Variants in DNAH5 observed in about 807,000 individuals in gnomAD.
DNAH5 encodes the protein axonemal beta dynein heavy chain 5.
In DNAH5, 372 loss-of-function variants were observed where a neutral mutation model predicts 518.2. That is an observed-to-expected ratio of 0.72 (90% CI 0.66 to 0.78). DNAH5 has a LOEUF of 0.78. Ranked by LOEUF, DNAH5 falls within the 30% of genes least tolerant of loss-of-function variation. The pLI is 0.00. For missense variants in DNAH5, 5,523 were observed against 5,687.0 expected, an observed-to-expected ratio of 0.97 and a Z score of 0.93; for synonymous variants, 2,039 against 2,025.9, an observed-to-expected ratio of 1.01 and a Z score of -0.17.
intron 9 of DNAH5, 132 bp from the exon 10 acceptor site, chr5:13,914,774 TC>T: frequency 1.1e-6 from 1 of 886,406 alleles, no homozygotes; most frequent in Non-Finnish European, 1.7e-6. Flanking sequence ...TTATTTTTTT[TC>T]CATCACAGTT....
chr5:13,796,485 A>T (rs564514101), intron 47 of DNAH5, among the ~76,000 whole-genome samples: 1 of 152,162 alleles, frequency 6.6e-6, no homozygotes, highest in South Asian at 2.1e-4. Context: ...TAGGAATCCA[A>T]CTTACAAGGG....
At chr5:13,958,241 C>A (rs1291153529) in intron 1 of DNAH5, among the ~76,000 whole-genome samples, 1 of 151,940 alleles carries the variant, frequency 6.6e-6, no homozygotes, top group African/African-American at 2.4e-5. Flanking sequence ...ATTCATCTCT[C>A]CAAAATTATA....
intron 1 of DNAH5, among the ~76,000 whole-genome samples, chr5:14,003,730 A>G (rs1784518998): frequency 6.6e-6 from 1 of 152,232 alleles, no homozygotes. Flanking sequence ...CTGGGTCATA[A>G]AAGTGATGCG....
intron 31 of DNAH5, among the ~76,000 whole-genome samples, chr5:13,845,985 C>T (rs975669011): frequency 4.0e-4 from 60 of 150,982 alleles, no homozygotes; most frequent in Admixed American, 2.8e-3. Flanking sequence ...CCTGTGCCAC[C>T]ACGCCCAGCT....
At chr5:13,794,109 T>G (rs781567505) in intron 47 of DNAH5, 51 bp from the exon 48 acceptor site, 1 of 1,611,598 alleles carries the variant, frequency 6.2e-7, no homozygotes, top group African/African-American at 1.3e-5. Context: ...CCCTAAAACC[T>G]GGTCAATTAT....
rs758777667 is a variant in DNAH5 at position 13,727,512 on chromosome 5, C to T, written c.12028G>A (p.Ala4010Thr). The T allele has an allele frequency of 2.3e-5, 37 of 1,612,412 alleles. No individual in the cohort carries two copies. Among genetic ancestry groups the T allele is most frequent in the Non-Finnish European group, 2.8e-5 (33 of 1,179,040 alleles). Residue 4010 changes from alanine (A) to threonine (T), a missense_variant, in exon 70 of 79, where the codon GCC becomes ACC. Physicochemically the swap from Ala to Thr is moderately conservative, Grantham distance 58. This residue lies in a region of DNAH5 where 5,121 missense variants were observed against 5,223.3 expected (regional missense o/e 0.98). Transcript: ENST00000265104. ...IRSWCPDRTI[A>T]QARKYIVDSM... ...CTTTAATATGGACTTTTTACCTGGG[C>T]GATGGTTCTGTCAGGACACCAGGAT...
intron 50 of DNAH5, 76 bp downstream of exon 50, chr5:13,791,918 A>C: frequency 1.5e-6 from 2 of 1,301,688 alleles, no homozygotes; most frequent in Non-Finnish European, 2.2e-6. Flanking sequence ...TCAAGTAAAA[A>C]ATAAATCAAT....
intron 47 of DNAH5, among the ~76,000 whole-genome samples, chr5:13,800,077 G>C (rs998360753): frequency 1.3e-5 from 2 of 152,136 alleles, no homozygotes; most frequent in African/African-American, 4.8e-5. Flanking sequence ...GAGGGTGCTG[G>C]GAGGGTCTTT....
Position 13,920,269 on chromosome 5 carries a change from T to C in DNAH5, c.798+211A>G, listed in dbSNP as rs549285452. Among the ~76,000 whole-genome samples, 9 of 152,370 alleles carry C rather than the reference T, an allele frequency of 5.9e-5. No individual in the cohort carries two copies. The South Asian group carries it at 1.4e-3, about 25-fold the overall frequency. On this transcript the variant is annotated intron_variant, in intron 6 of 78. Transcript: ENST00000265104. ...AAGTGCAGCGTTTGAGTGATATAAG[T>C]ATATGCAGCCATTTTCTTTCATTTC...
chr5:13,905,356 C>A (rs1359664071), intron 12 of DNAH5, among the ~76,000 whole-genome samples: 1 of 152,186 alleles, frequency 6.6e-6, no homozygotes, highest in Non-Finnish European at 1.5e-5. Flanking sequence ...AAAACGAGCT[C>A]AGCCCTCTCT....
intron 1 of DNAH5, among the ~76,000 whole-genome samples, chr5:13,956,043 G>A (rs1404070196): frequency 2.6e-5 from 4 of 152,188 alleles, no homozygotes; most frequent in Admixed American, 6.5e-5. Flanking sequence ...CAGTGGGGTG[G>A]TACATGCTCT....
intron 1 of DNAH5, among the ~76,000 whole-genome samples, chr5:13,952,875 T>C (rs1448518012): frequency 6.6e-6 from 1 of 152,198 alleles, no homozygotes; most frequent in Non-Finnish European, 1.5e-5. Flanking sequence ...CTGGAATTCC[T>C]GGGATCAAGT....
chr5:13,913,679 T>G, intron 11 of DNAH5, 64 bp downstream of exon 11: 1 of 1,576,416 alleles, frequency 6.3e-7, no homozygotes, highest in Non-Finnish European at 8.7e-7. Context: ...ACACTGTTAT[T>G]TGCATAAAAT....
rs530562885 is a variant in DNAH5, at chr5:13,913,846, C to T, written c.1433G>A (p.Arg478Gln). Residue 478 changes from arginine (R) to glutamine (Q), a missense_variant, in exon 11 of 79, where the codon CGA becomes CAA. By Grantham distance (43) the Arg-to-Gln change is conservative. Coordinates refer to ENST00000265104, the MANE Select transcript of DNAH5 (RefSeq NM_001369.3). ...YIFGKFETFH[R>Q]RLAKIIDIFT... ...GATGTCTATTATCTTGGCAAGGCGT[C>T]GGTGAAAAGTTTCGAATTTTCCAAA... 3.5e-5 allele frequency: 56 copies of T among 1,613,532 alleles called. No homozygotes were observed. The highest frequency in any genetic ancestry group is 4.5e-5 in the East Asian group (2 of 44,848).
At chr5:13,858,590 T>G (rs190863231) in intron 30 of DNAH5, among the ~76,000 whole-genome samples, 60 of 152,162 alleles carry the variant, frequency 3.9e-4, no homozygotes, top group Non-Finnish European at 1.5e-5. Context: ...CCAAACCTCC[T>G]ACTTAAAACC....
chr5:13,811,604 A>G (rs369904801), intron 44 of DNAH5, 43 bp downstream of exon 44: 5 of 1,572,732 alleles, frequency 3.2e-6, no homozygotes, highest in Non-Finnish European at 4.4e-6. Context: ...CAGCATGGCT[A>G]AGTTGATAAG....
chr5:13,934,983 A>T (rs1173003571), intron 1 of DNAH5, among the ~76,000 whole-genome samples: 2 of 152,228 alleles, frequency 1.3e-5, no homozygotes, highest in Non-Finnish European at 2.9e-5. Flanking sequence ...GAAATAAAAG[A>T]CTTTTCTCTA....
At chr5:13,866,157 A>G in intron 26 of DNAH5, 63 bp downstream of exon 26, 4 of 1,461,772 alleles carry the variant, frequency 2.7e-6, no homozygotes, top group African/African-American at 1.4e-5. Context: ...AAGAAAACAT[A>G]TGTGTGTTTA....
intron 46 of DNAH5, among the ~76,000 whole-genome samples, chr5:13,808,166 G>A (rs180752187): frequency 8.9e-5 from 13 of 146,476 alleles, no homozygotes; most frequent in African/African-American, 2.8e-4. Context: ...AGAGGCAGAC[G>A]TAGCAGTGAG....
Sources: allele counts gnomAD v4.1 joint callset (sites outside exome capture counted in the v4.1 genomes callset), GRCh38; gene constraint gnomAD v4.1.1; regional missense constraint gnomAD v4.1.1; transcripts MANE v1.5; gene names NCBI Gene and HGNC (gene_info 2026-07-23, HGNC 2026-07-21).